The following P2RY12 variants were observed in gnomAD, a reference collection of about 807,000 sequenced individuals.
P2RY12 encodes purinergic receptor P2Y12, also known as P2Y purinoceptor 12.
Under a neutral mutation model 4.5 loss-of-function variants are expected in P2RY12, and 3 were observed. The observed-to-expected ratio is 0.67, with a 90% confidence interval of 0.31 to 1.74. P2RY12 has a LOEUF of 1.74. P2RY12 is among the 40% of genes most tolerant of loss of function. The pLI, the probability that P2RY12 is intolerant of heterozygous loss-of-function variation, is 0.09. For missense variants in P2RY12, 356 were observed against 407.8 expected (o/e 0.87, Z 1.09); for synonymous variants, 148 against 154.1 (o/e 0.96, Z 0.29).
At chr3:151,372,846 T>C (rs1354532477) in intron 1 of P2RY12, 1 of 1,055,766 alleles carries the variant, frequency 9.5e-7, no homozygotes, top group East Asian at 2.5e-5. Context: ...ATAGGAAACT[T>C]GTGCATAGGT....
chr3:151,380,048 T>A lies in P2RY12; in HGVS notation c.-180+4644A>T, dbSNP rs1577504761. On this transcript the variant is annotated intron_variant, in intron 1 of 2. Transcript: ENST00000302632. ...TCTAATAGTGAGGCAAAGAAATGAATGTTGCCAGAGGAAGTAATGCATTAT... is the reference window on the plus strand; with the variant it reads ...TCTAATAGTGAGGCAAAGAAATGAAAGTTGCCAGAGGAAGTAATGCATTAT... The A allele has an allele frequency of 1.2e-5, 12 of 1,008,406 alleles. No individual in the cohort carries two copies. The East Asian group carries it at 2.9e-4, about 24-fold the overall frequency. 62.5% of individuals were successfully genotyped at this position (1,008,406 alleles called of 1,614,324 possible).
chr3:151,377,662 T>C (rs181433911), intron 1 of P2RY12, among the ~76,000 whole-genome samples: 308 of 152,324 alleles, frequency 2.0e-3, no homozygotes, highest in African/African-American at 7.1e-3. Context: ...GCTATTAGTA[T>C]GCTTACATAT....
In P2RY12 at chr3:151,365,147, C is replaced by A. The variant is rs143538723; in HGVS notation, c.-180+19545G>T. ...TCCTCAGTGACAATGCGGCCAATCGCTACAGCTTTGTCTGCAATACACTCA... is the reference window on the plus strand; with the variant it reads ...TCCTCAGTGACAATGCGGCCAATCGATACAGCTTTGTCTGCAATACACTCA... On this transcript the variant is annotated intron_variant, in intron 1 of 2. Coordinates refer to ENST00000302632, the MANE Select transcript of P2RY12 (RefSeq NM_022788.5). The A allele has an allele frequency of 2.5e-6, 4 of 1,613,934 alleles. No homozygotes were observed. In the African/African-American group the frequency reaches 4.0e-5, roughly 16 times the overall value.
rs10530638 is a variant in P2RY12, at chr3:151,368,687, T to G, written c.-180+16005A>C. On this transcript the variant is annotated intron_variant, in intron 1 of 2. Coordinates refer to ENST00000302632, the MANE Select transcript of P2RY12 (RefSeq NM_022788.5). ...TTCATTTCATTTCATGTCATTTCAT[T>G]TTATTTCATTTCATTTCATTTCATT... Among the ~76,000 whole-genome samples, 78 of 41,442 alleles carry G rather than the reference T, an allele frequency of 1.9e-3. 5 individuals are homozygous for G. Among genetic ancestry groups the G allele is most frequent in the East Asian group, 0.015 (28 of 1,842 alleles). 27.2% of individuals were successfully genotyped at this position (41,442 alleles called of 152,430 possible). A position where few individuals can be genotyped will look rare whatever the true frequency, so the allele number is the denominator to read the frequency against.
In P2RY12 at chr3:151,376,730, A is replaced by T. The variant is rs1756903516; in HGVS notation, c.-180+7962T>A. 13 of 1,224,672 alleles carry T rather than the reference A, an allele frequency of 1.1e-5. No individual in the cohort carries two copies. The Admixed American group carries it at 1.4e-4, about 13-fold the overall frequency. The allele number at this position is 1,224,672 out of a possible 1,614,324, so 75.9% of individuals were successfully genotyped here. A position where few individuals can be genotyped will look rare whatever the true frequency, so the allele number is the denominator to read the frequency against. Reference sequence around the variant, plus strand: ...TCTGCTCTTTCTTGAGAGAAGGAGTACTGTAAGAAATTACTGTATTTTAAC... The same window carrying T: ...TCTGCTCTTTCTTGAGAGAAGGAGTTCTGTAAGAAATTACTGTATTTTAAC... On this transcript the variant is annotated intron_variant, in intron 1 of 2. Coordinates refer to ENST00000302632, the MANE Select transcript of P2RY12 (RefSeq NM_022788.5).
intron 1 of P2RY12, among the ~76,000 whole-genome samples, chr3:151,363,125 A>G (rs933613944): frequency 9.2e-5 from 14 of 152,136 alleles, no homozygotes; most frequent in Non-Finnish European, 4.4e-5. Flanking sequence ...TTAGGGTACC[A>G]GCACACAGTG....
At chr3:151,360,725 G>T in intron 1 of P2RY12, 1 of 899,630 alleles carries the variant, frequency 1.1e-6, no homozygotes, top group Middle Eastern at 2.3e-4. Flanking sequence ...CTATTAGGCA[G>T]TAATTTTGAT....
Position 151,348,081 on chromosome 3 carries a change from A to T in P2RY12, c.-179-7321T>A, listed in dbSNP as rs562640870. On this transcript the variant is annotated intron_variant, in intron 1 of 2. Coordinates refer to ENST00000302632, the MANE Select transcript of P2RY12 (RefSeq NM_022788.5). The stretch of plus-strand genomic sequence containing the variant: ...GACATTGAATCTGTGCTCCTTGAAG[A>T]CAGGAATCATTCATCCTTGTATTTT... Among the ~76,000 whole-genome samples, 3 of 152,292 alleles carry T rather than the reference A, an allele frequency of 2.0e-5. No homozygotes were observed. The South Asian group carries it at 6.2e-4, about 32-fold the overall frequency.
intron 1 of P2RY12, chr3:151,384,262 G>A (rs780407422): frequency 6.5e-7 from 1 of 1,537,158 alleles, no homozygotes; most frequent in South Asian, 1.2e-5. Context: ...AGTTGTTTAT[G>A]GATTTATTAT....
Position 151,354,658 on chromosome 3 carries a change from A to G in P2RY12, c.-179-13898T>C, listed in dbSNP as rs144421928. Among the ~76,000 whole-genome samples, 635 of 152,326 alleles carry G rather than the reference A, an allele frequency of 4.2e-3. 2 individuals are homozygous for G. The highest frequency in any genetic ancestry group is 7.9e-3 in the South Asian group (38 of 4,824). ...TTTTTATGATAGCTAAAATCTGGAA[A>G]CTACTCACTAGAATGGTTAAGTAAA... On this transcript the variant is annotated intron_variant, in intron 1 of 2. Transcript: ENST00000302632.
At chr3:151,357,744 C>T (rs765116868) in intron 1 of P2RY12, among the ~76,000 whole-genome samples, 17 of 152,200 alleles carry the variant, frequency 1.1e-4, no homozygotes, top group Non-Finnish European at 1.5e-4. Flanking sequence ...GCAGACTCAA[C>T]ATCAAATAAG....
chr3:151,375,999 T>C, intron 1 of P2RY12: 3 of 1,296,722 alleles, frequency 2.3e-6, no homozygotes, highest in Non-Finnish European at 3.1e-6. Flanking sequence ...CCAGTGCCTG[T>C]CAATCTAATT....
chr3:151,382,445 A>T (rs1416299859), intron 1 of P2RY12, among the ~76,000 whole-genome samples: 4 of 152,152 alleles, frequency 2.6e-5, no homozygotes, highest in Non-Finnish European at 4.4e-5. Context: ...ATTATATAAG[A>T]TTTTCTTCCT....
At chr3:151,369,340 C>T in intron 1 of P2RY12, 2 of 756,292 alleles carry the variant, frequency 2.6e-6, no homozygotes, top group South Asian at 2.3e-5. Flanking sequence ...AATTAAGCAC[C>T]CACAGTCTAA....
At chr3:151,343,618 A>G in intron 1 of P2RY12, among the ~76,000 whole-genome samples, 1 of 148,874 alleles carries the variant, frequency 6.7e-6, no homozygotes, top group Admixed American at 6.7e-5. Context: ...TCTCATTAGT[A>G]AATAACATCA....
intron 1 of P2RY12, among the ~76,000 whole-genome samples, chr3:151,358,362 A>T (rs1224401248): frequency 1.3e-5 from 2 of 152,148 alleles, no homozygotes; most frequent in African/African-American, 4.8e-5. Context: ...TTTACAGCCC[A>T]GGAAATTGAG....
At chr3:151,358,489 A>G (rs867140482) in intron 1 of P2RY12, among the ~76,000 whole-genome samples, 7 of 152,148 alleles carry the variant, frequency 4.6e-5, no homozygotes, top group African/African-American at 1.7e-4. Flanking sequence ...TGTTTAATCT[A>G]TGTTCTACTT....
rs1326813354 is a variant in P2RY12 at position 151,340,763 on chromosome 3, A to AGAGAGAAATAGAAG, written c.-179-17_-179-4dup. On this transcript the variant is annotated splice_polypyrimidine_tract_variant and splice_region_variant and intron_variant, in intron 1 of 2. Coordinates refer to ENST00000302632, the MANE Select transcript of P2RY12 (RefSeq NM_022788.5). ...TCGTCAGTAAAGTCTTGAGTGCTCTAGAGAGAAATAGAAGGAGAGAAAAAG... is the reference window on the plus strand; with the variant it reads ...TCGTCAGTAAAGTCTTGAGTGCTCTAGAGAGAAATAGAAGGAGAGAAATAGAAGGAGAGAAAAAG... 6.6e-6 allele frequency: 1 copy of AGAGAGAAATAGAAG among 152,620 alleles called. No individual in the cohort carries two copies. The highest frequency in any genetic ancestry group is 1.5e-5 in the Non-Finnish European group (1 of 68,020). The allele number at this position is 152,620 out of a possible 1,614,324, so 9.5% of individuals were successfully genotyped here.
intron 1 of P2RY12, among the ~76,000 whole-genome samples, chr3:151,360,187 T>C (rs971610781): frequency 1.3e-5 from 2 of 152,174 alleles, no homozygotes; most frequent in African/African-American, 2.4e-5. Context: ...TCCCAGCAAC[T>C]TAATCGGTGG....
Sources: allele counts gnomAD v4.1 joint callset (sites outside exome capture counted in the v4.1 genomes callset), GRCh38; gene constraint gnomAD v4.1.1; transcripts MANE v1.5; gene names NCBI Gene and HGNC (gene_info 2026-07-23, HGNC 2026-07-21).